SYT2: variants seen among roughly 807,000 people sequenced by gnomAD.
SYT2 encodes synaptotagmin 2.
A neutral mutation model predicts 39.9 loss-of-function variants in SYT2; 15 were observed. The observed-to-expected ratio is 0.38, with a 90% CI of 0.25 to 0.58. The LOEUF (loss-of-function observed/expected upper bound fraction) is 0.58. Ranked by LOEUF, SYT2 falls within the 20% of genes least tolerant of loss-of-function variation. SYT2 has a pLI of 0.70. For missense variants in SYT2, 389 were observed against 530.3 expected (o/e 0.73, Z 2.62); for synonymous variants, 181 against 204.5 (o/e 0.89, Z 0.98).
chr1:202,605,829 A>C, intron 1 of SYT2, 40 bp from the exon 2 acceptor site: 1 of 1,533,682 alleles, frequency 6.5e-7, no homozygotes, highest in Non-Finnish European at 9.0e-7. Flanking sequence ...GAGCATCCAG[A>C]GGTCGTCTTA....
intron 1 of SYT2, among the ~76,000 whole-genome samples, chr1:202,674,062 G>T (rs1653262222): frequency 6.6e-6 from 1 of 152,096 alleles, no homozygotes; most frequent in Admixed American, 6.5e-5. Context: ...GGGTATGTGT[G>T]TGAATTTCTG....
At chr1:202,602,122 G>GCA in intron 5 of SYT2, 65 bp from the exon 6 acceptor site, 1 of 1,574,816 alleles carries the variant, frequency 6.3e-7, no homozygotes. Flanking sequence ...GGTGCTATGG[G>GCA]CAGGGGCCTG....
intron 1 of SYT2, among the ~76,000 whole-genome samples, chr1:202,658,659 C>G (rs1423803998): frequency 8.1e-6 from 1 of 123,966 alleles, no homozygotes; most frequent in African/African-American, 2.5e-5. Flanking sequence ...ATGCAGTGGT[C>G]GGATTTTTTT....
chr1:202,621,501 T>C (rs776048977), intron 1 of SYT2, among the ~76,000 whole-genome samples: 1 of 152,166 alleles, frequency 6.6e-6, no homozygotes, highest in Non-Finnish European at 1.5e-5. Context: ...ACCACTATGT[T>C]GCTCAGGCTG....
intron 1 of SYT2, chr1:202,631,938 T>C (rs1691605363): frequency 4.1e-6 from 3 of 740,710 alleles, no homozygotes; most frequent in Non-Finnish European, 4.9e-6. Context: ...CCCTTGCTGC[T>C]GATTGGCCTC....
intron 8 of SYT2, among the ~76,000 whole-genome samples, chr1:202,597,798 T>C (rs972570746): frequency 6.6e-6 from 1 of 152,182 alleles, no homozygotes; most frequent in East Asian, 1.9e-4. Context: ...GGATCCCGAA[T>C]ACCTGTACCA....
chr1:202,629,118 C>G (rs574701404), intron 1 of SYT2, among the ~76,000 whole-genome samples: 1 of 152,340 alleles, frequency 6.6e-6, no homozygotes, highest in Admixed American at 6.5e-5. Context: ...TGCTAACTCC[C>G]TATTAAGGAC....
At chr1:202,692,609 G>C (rs1653864684) in intron 1 of SYT2, among the ~76,000 whole-genome samples, 1 of 152,242 alleles carries the variant, frequency 6.6e-6, no homozygotes, top group African/African-American at 2.4e-5. Flanking sequence ...CAGGCTCAGA[G>C]TGTGATTGAG....
At position 202,612,874 on chromosome 1, in the gene SYT2, T is replaced by G. The variant is rs557019317; in HGVS notation, c.-17-7085A>C. On this transcript the variant is annotated intron_variant, in intron 1 of 8. Coordinates refer to ENST00000367268, the MANE Select transcript of SYT2 (RefSeq NM_177402.5). ...TTTAGACCTTTAATTTCCTTCAAGA[T>G]TGTTTTGTAGTTTTCAACTACACAT... is the stretch of plus-strand genomic sequence containing the variant. Among the ~76,000 whole-genome samples, 8 of 152,302 alleles carry G rather than the reference T, an allele frequency of 5.3e-5. No homozygotes were observed. The South Asian group carries it at 1.7e-3, about 32-fold the overall frequency.
At position 202,596,716 on chromosome 1, in the gene SYT2, G is replaced by T; in HGVS notation, c.*41C>A. On this transcript the variant is annotated 3_prime_UTR_variant, in exon 9 of 9. Transcript: ENST00000367268. ...TGAGGTATTGATAGCTCTGGATCTT[G>T]TCAGTGTCCGTGAAAGGTGTGGGGT... is the stretch of plus-strand genomic sequence containing the variant. 1 of 1,576,406 alleles carries T rather than the reference G, an allele frequency of 6.3e-7. No individual in the cohort carries two copies. The highest frequency in any genetic ancestry group is 8.7e-7 in the Non-Finnish European group (1 of 1,150,204).
chr1:202,653,235 C>T (rs1379221145), intron 1 of SYT2, among the ~76,000 whole-genome samples: 3 of 152,150 alleles, frequency 2.0e-5, no homozygotes, highest in South Asian at 2.1e-4. Context: ...CCCCCTGAAC[C>T]GTCCAGCCCA....
intron 1 of SYT2, among the ~76,000 whole-genome samples, chr1:202,681,333 C>T (rs1219107234): frequency 6.6e-6 from 1 of 152,160 alleles, no homozygotes; most frequent in Non-Finnish European, 1.5e-5. Flanking sequence ...GGTCAGAGCC[C>T]AGGAAATTAA....
chr1:202,641,700 TC>T (rs1369740532), intron 1 of SYT2, among the ~76,000 whole-genome samples: 14 of 152,178 alleles, frequency 9.2e-5, no homozygotes, highest in Non-Finnish European at 2.1e-4. Context: ...ACGAGACAAT[TC>T]CTTCAGATCT....
intron 1 of SYT2, among the ~76,000 whole-genome samples, chr1:202,688,988 C>T (rs1334230640): frequency 6.6e-6 from 1 of 152,162 alleles, no homozygotes; most frequent in Non-Finnish European, 1.5e-5. Context: ...GTTAACGGCT[C>T]ACGGAGCAGC....
intron 1 of SYT2, among the ~76,000 whole-genome samples, chr1:202,686,704 C>T (rs1461622068): frequency 6.6e-6 from 1 of 152,124 alleles, no homozygotes; most frequent in Non-Finnish European, 1.5e-5. Context: ...CGTCATTGTC[C>T]CAAACAGGCC....
At chr1:202,672,156 G>A (rs1692600187) in intron 1 of SYT2, among the ~76,000 whole-genome samples, 1 of 152,222 alleles carries the variant, frequency 6.6e-6, no homozygotes, top group South Asian at 2.1e-4. Flanking sequence ...ACTGTAAAAC[G>A]TGCCACATGA....
Position 202,687,492 on chromosome 1 carries a change from C to T in SYT2, c.-18+22766G>A, listed in dbSNP as rs113164511. 8.4e-3 allele frequency among the ~76,000 whole-genome samples: 1,284 copies of T among 152,110 alleles called. 16 individuals are homozygous for T. Among genetic ancestry groups the T allele is most frequent in the African/African-American group, 0.03 (1,230 of 41,492 alleles). On this transcript the variant is annotated intron_variant, in intron 1 of 8. Transcript: ENST00000367268. The stretch of plus-strand genomic sequence containing the variant: ...CCTAGCTCTGGGTGGGGTGTGTGAT[C>T]GACCTTCAGCTGAGCGTGACAACTG...
In SYT2 at chr1:202,630,430, A is replaced by G. The variant is rs553629319; in HGVS notation, c.-17-24641T>C. 2.1e-5 allele frequency: 21 copies of G among 982,956 alleles called. No individual in the cohort carries two copies. In the East Asian group the frequency reaches 2.3e-3, roughly 106 times the overall value. The allele number at this position is 982,956 out of a possible 1,614,324, so 60.9% of individuals were successfully genotyped here. On this transcript the variant is annotated intron_variant, in intron 1 of 8. Transcript: ENST00000367268. Reference sequence around the variant, plus strand: ...CTGCTGAGAACCACAGGGCAAAGGCACCTAGAACCAGGGAGCCACTGAGGA... The same window carrying G: ...CTGCTGAGAACCACAGGGCAAAGGCGCCTAGAACCAGGGAGCCACTGAGGA...
At chr1:202,696,614 T>C (rs916965755) in intron 1 of SYT2, among the ~76,000 whole-genome samples, 16 of 152,184 alleles carry the variant, frequency 1.1e-4, no homozygotes, top group African/African-American at 3.6e-4. Context: ...GCTCCACGAA[T>C]GTGTTCCTTG....
Sources: allele counts gnomAD v4.1 joint callset (sites outside exome capture counted in the v4.1 genomes callset), GRCh38; gene constraint gnomAD v4.1.1; transcripts MANE v1.5; gene names NCBI Gene and HGNC (gene_info 2026-07-23, HGNC 2026-07-21).